Variants in SLC6A13 observed in about 807,000 individuals in gnomAD.
The protein encoded by SLC6A13 is sodium- and chloride-dependent GABA transporter 2.
Under a neutral mutation model 72.9 loss-of-function variants are expected in SLC6A13, and 69 were observed. The observed-to-expected ratio is 0.95, with a 90% CI of 0.78 to 1.16. The LOEUF is 1.16. SLC6A13 is among the 50% of genes most tolerant of loss of function. The probability of loss-of-function intolerance (pLI) is 0.00; values close to 1 mark genes in which losing one functional copy is unlikely to be tolerated. For synonymous variants in SLC6A13, 303 were observed against 303.0 expected, an observed-to-expected ratio of 1.00 and a Z score of 0.00; for missense variants, 735 against 760.5, an observed-to-expected ratio of 0.97 and a Z score of 0.39.
chr12:232,444 A>G (rs908055032), intron 7 of SLC6A13, among the ~76,000 whole-genome samples: 14 of 152,192 alleles, frequency 9.2e-5, no homozygotes, highest in East Asian at 1.9e-4. Flanking sequence ...CCTACCATCC[A>G]TCACAACCCT....
At chr12:229,568 G>T (rs1941617192) in intron 7 of SLC6A13, among the ~76,000 whole-genome samples, 1 of 152,242 alleles carries the variant, frequency 6.6e-6, no homozygotes, top group Non-Finnish European at 1.5e-5. Flanking sequence ...CTTCCCCAGG[G>T]TCAGAGGTGT....
intron 7 of SLC6A13, among the ~76,000 whole-genome samples, chr12:234,540 CAG>C (rs1941848049): frequency 6.6e-6 from 1 of 151,828 alleles, no homozygotes; most frequent in Non-Finnish European, 1.5e-5. Context: ...ATTTTAGAGA[CAG>C]AGTCTCACTC....
chr12:262,262 G>C (rs533655332), intron 1 of SLC6A13, among the ~76,000 whole-genome samples: 5 of 152,318 alleles, frequency 3.3e-5, no homozygotes, highest in African/African-American at 9.6e-5. Context: ...TGTAGAGTCA[G>C]ATGAGGCCAG....
chr12:228,750 G>GTC (rs1408765426), intron 7 of SLC6A13, among the ~76,000 whole-genome samples: 1 of 152,158 alleles, frequency 6.6e-6, no homozygotes, highest in African/African-American at 2.4e-5. Context: ...TCTCAGCAGT[G>GTC]TAGAGGCCTG....
intron 2 of SLC6A13, among the ~76,000 whole-genome samples, chr12:247,007 CA>C (rs747908813): frequency 1.7e-4 from 19 of 113,166 alleles, no homozygotes; most frequent in African/African-American, 5.1e-4. Context: ...GACTCCATCT[CA>C]AAAAAAAAAA....
intron 7 of SLC6A13, among the ~76,000 whole-genome samples, chr12:231,709 T>C (rs1941716702): frequency 6.6e-6 from 1 of 152,242 alleles, no homozygotes; most frequent in African/African-American, 2.4e-5. Flanking sequence ...TCTTTGTCCC[T>C]GCAGTCACCC....
intron 1 of SLC6A13, 22 bp from the exon 2 acceptor site, chr12:260,079 C>G (rs1277879139): frequency 1.9e-6 from 3 of 1,604,342 alleles, no homozygotes; most frequent in Non-Finnish European, 2.6e-6. Context: ...GTGGGATGCT[C>G]TGTTACTGTT....
intron 2 of SLC6A13, among the ~76,000 whole-genome samples, chr12:245,913 C>T (rs1400073374): frequency 3.3e-5 from 5 of 151,558 alleles, no homozygotes; most frequent in South Asian, 4.2e-4. Context: ...GTCAGGAGAT[C>T]GAGACCATCC....
At chr12:251,792 A>AG (rs1428909344) in intron 2 of SLC6A13, among the ~76,000 whole-genome samples, 2 of 122,668 alleles carry the variant, frequency 1.6e-5, no homozygotes, top group African/African-American at 5.3e-5. Context: ...GTCTCTACCA[A>AG]AAAAAAAAAA....
intron 7 of SLC6A13, among the ~76,000 whole-genome samples, 158 bp from the exon 8 acceptor site, chr12:227,826 A>C (rs1941530801): frequency 6.6e-6 from 1 of 152,196 alleles, no homozygotes. Flanking sequence ...TGCTCACCCC[A>C]GTGGGCTCTA....
chr12:256,283 T>C (rs1421345841), intron 2 of SLC6A13, among the ~76,000 whole-genome samples: 1 of 151,870 alleles, frequency 6.6e-6, no homozygotes, highest in Non-Finnish European at 1.5e-5. Context: ...ACGTGCTCAG[T>C]AAGTATTTGC....
At chr12:258,877 A>G (rs1331767348) in intron 2 of SLC6A13, 5 of 973,340 alleles carry the variant, frequency 5.1e-6, no homozygotes, top group South Asian at 9.5e-5. Flanking sequence ...AAGAGAGCCT[A>G]TACTAGAAGG....
rs370426652 is a variant in SLC6A13, at chr12:221,038, G to T, written c.1719C>A (p.Asp573Glu). The change falls in exon 15 of 15, where the codon GAC (aspartate) becomes GAA (glutamate). Residue 573 changes from aspartate to glutamate, a missense_variant. Transcript: ENST00000343164. ...GTCCTGCTGGGTTCCGCTGGGGCAG[G>T]TCCTCGGCTGGGCACATGAGCTGAC... The part of the protein sequence containing the change: ...RIRQLMCPAE[D>E]LPQRNPAGPS... 25 of 1,610,816 alleles carry T rather than the reference G, an allele frequency of 1.6e-5. No homozygotes were observed. The highest frequency in any genetic ancestry group is 2.0e-5 in the Non-Finnish European group (24 of 1,179,260).
chr12:224,404 G>C lies in SLC6A13; in HGVS notation c.1170C>G (p.Ser390Arg). 1 of 1,613,146 alleles carries C rather than the reference G, an allele frequency of 6.2e-7. No homozygotes were observed. Among genetic ancestry groups the C allele is most frequent in the East Asian group, 2.2e-5 (1 of 44,874 alleles). ...FFMVVLLGLD[S>R]QFVCVESLVT... ...CTGAGTGGCTGCCTCTTGATACCTGGCTATCCAGTCCCAGGAGAACGACCA... is the reference window on the plus strand; with the variant it reads ...CTGAGTGGCTGCCTCTTGATACCTGCCTATCCAGTCCCAGGAGAACGACCA... Residue 390 changes from serine (S) to arginine (R), a missense_variant, in exon 10 of 15, where the codon AGC becomes AGG. Physicochemically the swap from Ser to Arg is moderately radical, Grantham distance 110. Coordinates refer to ENST00000343164, the MANE Select transcript of SLC6A13 (RefSeq NM_016615.5).
Position 254,876 on chromosome 12 carries a change from GT to G in SLC6A13, c.202+4974del, listed in dbSNP as rs369696069. Among the ~76,000 whole-genome samples, 85 of 152,316 alleles carry G rather than the reference GT, an allele frequency of 5.6e-4. No homozygotes were observed. The highest frequency in any genetic ancestry group is 1.9e-3 in the African/African-American group (81 of 41,572). On this transcript the variant is annotated intron_variant, in intron 2 of 14. Coordinates refer to ENST00000343164, the MANE Select transcript of SLC6A13 (RefSeq NM_016615.5). The surrounding 1 kb of genome is among the most constrained non-coding windows in gnomAD (Gnocchi z 4.4). ...ACCTGCTCCTCTGGGGCTAGGCACA[GT>G]GGCTTATGCCTGTAATCCCAGCACT...
Position 248,479 on chromosome 12 carries a change from A to T in SLC6A13, c.203-4666T>A, listed in dbSNP as rs12231963. On this transcript the variant is annotated intron_variant, in intron 2 of 14. Transcript: ENST00000343164. ...AATCTGTAAAGTTTATCTTAATGTC[A>T]CACAAAGTAAACTTCAGAGCAAAGA... is the stretch of plus-strand genomic sequence containing the variant. 4.6e-5 allele frequency among the ~76,000 whole-genome samples: 7 copies of T among 152,160 alleles called. No homozygotes were observed. In the East Asian group the frequency reaches 1.4e-3, roughly 29 times the overall value.
chr12:261,148 T>C (rs1942914382), intron 1 of SLC6A13, among the ~76,000 whole-genome samples: 1 of 152,222 alleles, frequency 6.6e-6, no homozygotes, highest in Non-Finnish European at 1.5e-5. Flanking sequence ...CTGTCAGAAA[T>C]GGCCCATTCC....
Position 226,462 on chromosome 12 carries a change from A to T in SLC6A13, c.988T>A (p.Phe330Ile). The T allele has an allele frequency of 6.2e-7, 1 of 1,614,136 alleles. No homozygotes were observed. The highest frequency in any genetic ancestry group is 2.2e-5 in the East Asian group (1 of 44,882). ...LNSGTSFVAG[F>I]AIFSILGFMS... The stretch of plus-strand genomic sequence containing the variant: ...AAGCCCAGGATGGAGAAGATGGCAA[A>T]GCCGGCCACAAAGCTGGTGCCGCTG... The change falls in exon 9 of 15, where the codon TTT (phenylalanine) becomes ATT (isoleucine). Residue 330 changes from phenylalanine to isoleucine, a missense_variant. Transcript: ENST00000343164.
chr12:235,332 A>AG, intron 6 of SLC6A13, 108 bp from the exon 7 acceptor site: 1 of 1,117,006 alleles, frequency 9.0e-7, no homozygotes, highest in Non-Finnish European at 1.3e-6. Flanking sequence ...AGGTCAAGGG[A>AG]GTGTTCCTCC....
Sources: gnomAD v4.1 joint callset for allele counts (sites outside exome capture counted in the v4.1 genomes callset) on GRCh38, gnomAD v4.1.1 for gene constraint, Gnocchi (gnomAD v3.1) non-coding constraint, MANE v1.5 for transcripts, NCBI Gene and HGNC (gene_info 2026-07-23, HGNC 2026-07-21) for gene names.